Variants in NTRK2 observed in about 807,000 individuals in gnomAD.
NTRK2 encodes the protein BDNF/NT-3 growth factors receptor.
NTRK2 carries 13 observed loss-of-function variants against 94.5 expected under a neutral mutation model. That is an observed-to-expected ratio of 0.14 (90% CI 0.09 to 0.22). NTRK2 has a LOEUF of 0.22. Ranked by LOEUF, NTRK2 falls within the 10% of genes least tolerant of loss-of-function variation. The pLI is 1.00. For synonymous variants in NTRK2, 372 were observed against 407.4 expected (o/e 0.91, Z 1.05); for missense variants, 639 against 1,071.2 (o/e 0.60, Z 5.63).
In NTRK2 at chr9:85,026,202, C is replaced by T. The variant is rs1833028351; in HGVS notation, c.*4765C>T. ...AACACTGTGAATTTCACAACAACCACCACCAAGCAACTATTTTGCCATCTT... is the reference window on the plus strand; with the variant it reads ...AACACTGTGAATTTCACAACAACCATCACCAAGCAACTATTTTGCCATCTT... On this transcript the variant is annotated 3_prime_UTR_variant, in exon 19 of 19. Transcript: ENST00000277120. The T allele has an allele frequency of 4.4e-6, 1 of 229,384 alleles. No individual in the cohort carries two copies. Among genetic ancestry groups the T allele is most frequent in the Admixed American group, 5.7e-5 (1 of 17,634 alleles). The allele number at this position is 229,384 out of a possible 1,614,324, so 14.2% of individuals were successfully genotyped here.
chr9:84,962,306 C>A (rs1295901462), intron 17 of NTRK2, among the ~76,000 whole-genome samples: 1 of 152,202 alleles, frequency 6.6e-6, no homozygotes, highest in East Asian at 1.9e-4. Context: ...GGTAAGCAAT[C>A]TCTTTCCTTG....
intron 14 of NTRK2, among the ~76,000 whole-genome samples, chr9:84,909,500 A>G (rs546792548): frequency 1.1e-4 from 16 of 151,982 alleles, no homozygotes; most frequent in African/African-American, 3.6e-4. Context: ...TTTTTAAGAC[A>G]TTGCCGAAAC....
At chr9:84,730,920 T>G (rs936992423) in intron 9 of NTRK2, among the ~76,000 whole-genome samples, 3 of 151,838 alleles carry the variant, frequency 2.0e-5, no homozygotes, top group African/African-American at 4.8e-5. Context: ...GAAGTTTAGC[T>G]CTCACAAATA....
chr9:84,676,956 T>TGA (rs1211446899), intron 2 of NTRK2, among the ~76,000 whole-genome samples: 1 of 68,602 alleles, frequency 1.5e-5, no homozygotes, highest in East Asian at 5.8e-4. Context: ...GCTTACTGTG[T>TGA]GTGAGTGTGT....
intron 12 of NTRK2, among the ~76,000 whole-genome samples, chr9:84,785,327 C>G (rs1007425172): frequency 6.6e-6 from 1 of 152,208 alleles, no homozygotes; most frequent in African/African-American, 2.4e-5. Context: ...CTGTACCAGT[C>G]TGGCTATTTT....
intron 2 of NTRK2, among the ~76,000 whole-genome samples, chr9:84,685,694 T>G (rs2059670093): frequency 6.6e-6 from 1 of 152,188 alleles, no homozygotes; most frequent in Non-Finnish European, 1.5e-5. Context: ...TCACTTATCT[T>G]CCAGGTTGTC....
At chr9:84,744,158 A>G (rs955321160) in intron 10 of NTRK2, among the ~76,000 whole-genome samples, 2 of 152,184 alleles carry the variant, frequency 1.3e-5, no homozygotes, top group Non-Finnish European at 2.9e-5. Flanking sequence ...GAGACCTTTT[A>G]TATGCAATAT....
At chr9:84,800,178 A>G (rs1177798951) in intron 12 of NTRK2, among the ~76,000 whole-genome samples, 1 of 150,352 alleles carries the variant, frequency 6.7e-6, no homozygotes, top group Admixed American at 6.8e-5. Context: ...AACAACTGGA[A>G]GCCGAAGCTC....
intron 12 of NTRK2, among the ~76,000 whole-genome samples, chr9:84,784,040 G>A (rs1009958116): frequency 6.6e-6 from 1 of 152,086 alleles, no homozygotes; most frequent in Non-Finnish European, 1.5e-5. Flanking sequence ...GGCTGTAAAG[G>A]TAAGATTAGA....
rs773274918 is a variant in NTRK2 at position 84,955,493 on chromosome 9, C to T, written c.2148C>T (p.Asp716=). The T allele has an allele frequency of 8.7e-6, 14 of 1,614,030 alleles. No individual in the cohort carries two copies. Among genetic ancestry groups the T allele is most frequent in the East Asian group, 4.5e-5 (2 of 44,884 alleles). The change falls in exon 17 of 19, where the codon GAC becomes GAT. Residue 716 remains aspartate (D), a synonymous_variant. Transcript: ENST00000277120. ...VKIGDFGMSR[D]VYSTDYYRVG... is the part of the protein sequence containing the mutation. Reference sequence around the variant, plus strand: ...TCGGGGACTTTGGGATGTCCCGGGACGTGTACAGCACTGACTACTACAGGG... The same window carrying T: ...TCGGGGACTTTGGGATGTCCCGGGATGTGTACAGCACTGACTACTACAGGG...
intron 14 of NTRK2, among the ~76,000 whole-genome samples, chr9:84,870,719 T>C (rs1374638054): frequency 6.6e-6 from 1 of 151,990 alleles, no homozygotes; most frequent in Admixed American, 6.6e-5. Flanking sequence ...GATAAAAACA[T>C]TTGAGAAGAT....
chr9:84,760,488 A>G (rs976175498), intron 12 of NTRK2, among the ~76,000 whole-genome samples: 16 of 152,224 alleles, frequency 1.1e-4, no homozygotes, highest in Non-Finnish European at 2.1e-4. Flanking sequence ...ATAGAAAAAA[A>G]TTGTAATTAC....
chr9:84,883,394 T>C (rs1377505971), intron 14 of NTRK2, among the ~76,000 whole-genome samples: 12 of 152,186 alleles, frequency 7.9e-5, no homozygotes, highest in Non-Finnish European at 8.8e-5. Flanking sequence ...ACAATTCTTT[T>C]AGGTTTTAAA....
At chr9:84,801,636 CTG>C (rs1458978108) in intron 12 of NTRK2, among the ~76,000 whole-genome samples, 1 of 152,148 alleles carries the variant, frequency 6.6e-6, no homozygotes, top group Admixed American at 6.5e-5. Context: ...ATATAAGTGT[CTG>C]AGCAGTTTTA....
intron 17 of NTRK2, among the ~76,000 whole-genome samples, chr9:84,994,537 C>T (rs1403004154): frequency 6.6e-6 from 1 of 152,184 alleles, no homozygotes; most frequent in Admixed American, 6.5e-5. Flanking sequence ...TTGTCCCCTT[C>T]CTGAAGACTT....
intron 17 of NTRK2, among the ~76,000 whole-genome samples, chr9:85,004,810 A>C (rs1245159252): frequency 6.6e-6 from 1 of 152,208 alleles, no homozygotes; most frequent in Non-Finnish European, 1.5e-5. Flanking sequence ...CTTAGCAGTG[A>C]TGTGATCACA....
At chr9:84,858,450 G>A (rs916509117) in intron 12 of NTRK2, among the ~76,000 whole-genome samples, 1 of 151,056 alleles carries the variant, frequency 6.6e-6, no homozygotes, top group African/African-American at 2.4e-5. Context: ...CCCCCTTCCA[G>A]CTGCATCAGC....
chr9:84,739,091 C>T (rs866267372), intron 9 of NTRK2, among the ~76,000 whole-genome samples: 1 of 152,056 alleles, frequency 6.6e-6, no homozygotes, highest in Non-Finnish European at 1.5e-5. Context: ...CACTTTGTTG[C>T]CCAGGCTGGA....
rs1320910816 is a variant in NTRK2, at chr9:85,025,184, C to A, written c.*3747C>A. 2 of 233,022 alleles carry A rather than the reference C, an allele frequency of 8.6e-6. No homozygotes were observed. The highest frequency in any genetic ancestry group is 1.7e-5 in the Non-Finnish European group (2 of 117,986). 14.4% of individuals were successfully genotyped at this position (233,022 alleles called of 1,614,324 possible). On this transcript the variant is annotated 3_prime_UTR_variant, in exon 19 of 19. Transcript: ENST00000277120. ...AGACATATTTAAGATAATGTGCTTC[C>A]CAAAACAACTGAATAAAAGCCATCC...
Sources: allele counts gnomAD v4.1 joint callset (sites outside exome capture counted in the v4.1 genomes callset), GRCh38; gene constraint gnomAD v4.1.1; transcripts MANE v1.5; gene names NCBI Gene and HGNC (gene_info 2026-07-23, HGNC 2026-07-21).